Variants in HECW1 observed in about 807,000 individuals in gnomAD.
HECW1 encodes the protein HECT, C2 and WW domain containing E3 ubiquitin protein ligase 1, also known as E3 ubiquitin-protein ligase HECW1.
A neutral mutation model predicts 182.3 loss-of-function variants in HECW1; 61 were observed. That is an observed-to-expected ratio of 0.33 (90% CI 0.27 to 0.41). The LOEUF is 0.41. Among genes scored for constraint, HECW1 ranks in the 10% least tolerant of loss-of-function variants. HECW1 has a pLI of 1.00. For synonymous variants in HECW1, 859 were observed against 832.6 expected, an observed-to-expected ratio of 1.03 and a Z score of -0.55; for missense variants, 1,739 against 2,108.9, an observed-to-expected ratio of 0.82 and a Z score of 3.44.
chr7:43,188,534 G>C (rs1157000065), intron 2 of HECW1, among the ~76,000 whole-genome samples: 2 of 152,156 alleles, frequency 1.3e-5, no homozygotes, highest in Non-Finnish European at 2.9e-5. Context: ...GTCTCGGTCA[G>C]CACTGACTAG....
intron 5 of HECW1, among the ~76,000 whole-genome samples, chr7:43,324,087 G>A (rs1314446112): frequency 1.3e-5 from 2 of 152,042 alleles, no homozygotes; most frequent in East Asian, 3.9e-4. Flanking sequence ...ACTGAAAGTT[G>A]AACACTTTAG....
intron 3 of HECW1, among the ~76,000 whole-genome samples, chr7:43,307,897 CACAT>C (rs1186745174): frequency 6.9e-5 from 4 of 58,000 alleles, no homozygotes; most frequent in Admixed American, 4.7e-4. Flanking sequence ...TATATATATA[CACAT>C]ATATATATAT....
chr7:43,163,941 A>G (rs1790821681), intron 2 of HECW1, among the ~76,000 whole-genome samples: 1 of 152,252 alleles, frequency 6.6e-6, no homozygotes, highest in African/African-American at 2.4e-5. Flanking sequence ...TAGTATTTCT[A>G]GAATCTCAGT....
At chr7:43,407,805 C>A in intron 8 of HECW1, 74 bp downstream of exon 8, 1 of 1,339,566 alleles carries the variant, frequency 7.5e-7, no homozygotes, top group Non-Finnish European at 1.0e-6. Flanking sequence ...CCTCCTCCTT[C>A]CCTCCATTCA....
In HECW1 at chr7:43,263,521, C is replaced by T. The variant is rs139801251; in HGVS notation, c.27+19589C>T. Among the ~76,000 whole-genome samples, 636 of 152,114 alleles carry T rather than the reference C, an allele frequency of 4.2e-3. 3 individuals are homozygous for T. Among genetic ancestry groups the T allele is most frequent in the African/African-American group, 0.015 (609 of 41,492 alleles). On this transcript the variant is annotated intron_variant, in intron 3 of 29. Transcript: ENST00000395891. ...GACTACAGGCGTGTGCCACTATGGC[C>T]GGCTAATTTTTATATTTTCAGTAGA...
chr7:43,488,496 A>AAG, intron 17 of HECW1, among the ~76,000 whole-genome samples: 17 of 148,106 alleles, frequency 1.1e-4, no homozygotes, highest in Non-Finnish European at 1.7e-4. Flanking sequence ...AAGAGAAAGA[A>AAG]AGAAAGAAAA....
intron 2 of HECW1, among the ~76,000 whole-genome samples, chr7:43,205,645 T>C (rs917038464): frequency 6.6e-6 from 1 of 152,196 alleles, no homozygotes; most frequent in African/African-American, 2.4e-5. Flanking sequence ...GCGCAGGTTG[T>C]ACACTCCACA....
intron 6 of HECW1, among the ~76,000 whole-genome samples, chr7:43,386,819 A>T (rs748375977): frequency 1.3e-5 from 2 of 152,100 alleles, no homozygotes; most frequent in Non-Finnish European, 2.9e-5. Context: ...ACAGAAGCTC[A>T]CCGCACTGTG....
At chr7:43,137,705 A>G (rs1015013721) in intron 2 of HECW1, among the ~76,000 whole-genome samples, 4 of 151,848 alleles carry the variant, frequency 2.6e-5, no homozygotes, top group Middle Eastern at 3.2e-3. Context: ...ATGTGCCACC[A>G]CGCCCAGCTA....
intron 2 of HECW1, among the ~76,000 whole-genome samples, chr7:43,150,361 A>G (rs1286420681): frequency 6.6e-6 from 1 of 152,152 alleles, no homozygotes; most frequent in African/African-American, 2.4e-5. Flanking sequence ...ACCGTCACTG[A>G]ACCAGCATTT....
At chr7:43,301,492 A>C (rs991716308) in intron 3 of HECW1, among the ~76,000 whole-genome samples, 6 of 152,204 alleles carry the variant, frequency 3.9e-5, no homozygotes, top group African/African-American at 1.4e-4. Context: ...AGCACTGTTT[A>C]AGTCCTCTCT....
chr7:43,295,854 G>C (rs1805981018), intron 3 of HECW1, among the ~76,000 whole-genome samples: 1 of 152,092 alleles, frequency 6.6e-6, no homozygotes, highest in African/African-American at 2.4e-5. Flanking sequence ...GCAATAAACT[G>C]TTTTCCAAAA....
At chr7:43,369,058 C>G (rs1209626310) in intron 6 of HECW1, among the ~76,000 whole-genome samples, 1 of 152,142 alleles carries the variant, frequency 6.6e-6, no homozygotes, top group Admixed American at 6.5e-5. Flanking sequence ...GCACATGTTG[C>G]TAGGAATGGA....
At chr7:43,416,704 G>C (rs1261616824) in intron 8 of HECW1, among the ~76,000 whole-genome samples, 1 of 145,546 alleles carries the variant, frequency 6.9e-6, no homozygotes, top group Admixed American at 6.8e-5. Context: ...AGGACCCTCC[G>C]AGACAGGTGT....
chr7:43,396,555 T>C (rs2152837871), intron 6 of HECW1: 2 of 368,408 alleles, frequency 5.4e-6, no homozygotes, highest in South Asian at 3.8e-5. Context: ...TTACAAAGGG[T>C]CTTTTCTATT....
chr7:43,395,495 AT>A (rs770604464), intron 6 of HECW1, among the ~76,000 whole-genome samples: 10 of 152,206 alleles, frequency 6.6e-5, no homozygotes, highest in Non-Finnish European at 1.2e-4. Context: ...AATCCTGGCC[AT>A]GTTTTACTCT....
At chr7:43,450,452 G>C (rs1303909435) in intron 11 of HECW1, among the ~76,000 whole-genome samples, 1 of 152,094 alleles carries the variant, frequency 6.6e-6, no homozygotes, top group African/African-American at 2.4e-5. Flanking sequence ...CTTATAAAAC[G>C]CTGCATTTCC....
At chr7:43,467,159 C>A (rs1584997921) in intron 15 of HECW1, among the ~76,000 whole-genome samples, 2 of 152,114 alleles carry the variant, frequency 1.3e-5, no homozygotes, top group African/African-American at 4.8e-5. Flanking sequence ...GTCACAAAGA[C>A]AGATTAAGGT....
chr7:43,203,002 C>G (rs1000886823), intron 2 of HECW1, among the ~76,000 whole-genome samples: 1 of 152,108 alleles, frequency 6.6e-6, no homozygotes, highest in East Asian at 1.9e-4. Flanking sequence ...CGCTGATTCT[C>G]TTTTTGGACT....
Sources: allele counts gnomAD v4.1 joint callset (sites outside exome capture counted in the v4.1 genomes callset), GRCh38; gene constraint gnomAD v4.1.1; transcripts MANE v1.5; gene names NCBI Gene and HGNC (gene_info 2026-07-23, HGNC 2026-07-21).